DLGAP2: variants seen among roughly 807,000 people sequenced by gnomAD.
The protein encoded by DLGAP2 is DLG associated protein 2.
In DLGAP2, 26 loss-of-function variants were observed where a neutral mutation model predicts 100.3. The ratio of observed to expected loss-of-function variants is 0.26; its 90% CI spans 0.19 to 0.36. The LOEUF (loss-of-function observed/expected upper bound fraction) is 0.36, where lower values mean the gene tolerates loss of function less well. DLGAP2 is among the 10% of genes least tolerant of loss of function. The pLI, the probability that DLGAP2 is intolerant of heterozygous loss-of-function variation, is 1.00. For synonymous variants in DLGAP2, 886 were observed against 630.1 expected, an observed-to-expected ratio of 1.41 and a Z score of -6.08; for missense variants, 1,858 against 1,453.2, an observed-to-expected ratio of 1.28 and a Z score of -4.53.
At chr8:930,231 G>A (rs558746067) in intron 2 of DLGAP2, among the ~76,000 whole-genome samples, 4 of 152,354 alleles carry the variant, frequency 2.6e-5, no homozygotes, top group African/African-American at 7.2e-5. Context: ...AAGGCAAGAC[G>A]TGGAATCCAG....
At chr8:1,168,295 G>T (rs976266743) in intron 2 of DLGAP2, among the ~76,000 whole-genome samples, 2 of 151,826 alleles carry the variant, frequency 1.3e-5, no homozygotes, top group East Asian at 3.9e-4. Context: ...TGGACATTTG[G>T]GTTGGTTCCA....
intron 1 of DLGAP2, among the ~76,000 whole-genome samples, chr8:799,562 T>C (rs1029147042): frequency 6.6e-6 from 1 of 151,254 alleles, no homozygotes; most frequent in African/African-American, 2.4e-5. Context: ...TCTGCAAAAA[T>C]GCATTTTGCA....
intron 4 of DLGAP2, among the ~76,000 whole-genome samples, chr8:1,541,277 CCT>C (rs1267591126): frequency 6.6e-6 from 1 of 152,132 alleles, no homozygotes; most frequent in African/African-American, 2.4e-5. Context: ...TTCATTGAGA[CCT>C]CTGTTGGTAG....
At chr8:1,485,226 C>T (rs1192738166) in intron 3 of DLGAP2, among the ~76,000 whole-genome samples, 1 of 152,172 alleles carries the variant, frequency 6.6e-6, no homozygotes, top group Non-Finnish European at 1.5e-5. Context: ...TTATGATACG[C>T]TTTTTTTGTA....
intron 1 of DLGAP2, among the ~76,000 whole-genome samples, chr8:773,230 A>G (rs961020678): frequency 1.3e-5 from 2 of 151,848 alleles, no homozygotes; most frequent in Admixed American, 1.3e-4. Flanking sequence ...CTGATTTCTC[A>G]CAGTGTTTTC....
chr8:1,118,191 A>C (rs893391388), intron 2 of DLGAP2, among the ~76,000 whole-genome samples: 2 of 152,134 alleles, frequency 1.3e-5, no homozygotes, highest in Non-Finnish European at 2.9e-5. Context: ...CATTCATTAC[A>C]CTTTAAATAG....
At chr8:1,305,804 G>T (rs1404637606) in intron 3 of DLGAP2, among the ~76,000 whole-genome samples, 1 of 152,120 alleles carries the variant, frequency 6.6e-6, no homozygotes, top group Non-Finnish European at 1.5e-5. Context: ...AACAGCTACC[G>T]CCCCACTCAA....
intron 2 of DLGAP2, among the ~76,000 whole-genome samples, chr8:1,146,114 C>G (rs1241761760): frequency 2.0e-5 from 3 of 152,206 alleles, no homozygotes; most frequent in Admixed American, 6.5e-5. Context: ...CACTGCCAGG[C>G]CAGGAGGGCG....
chr8:1,523,551 C>T (rs1039163946), intron 4 of DLGAP2, among the ~76,000 whole-genome samples: 3 of 152,224 alleles, frequency 2.0e-5, no homozygotes, highest in Non-Finnish European at 2.9e-5. Flanking sequence ...CGGCACCGCA[C>T]AGTCCCTGGG....
chr8:1,408,863 AG>A (rs1202089927), intron 3 of DLGAP2, among the ~76,000 whole-genome samples: 1 of 152,126 alleles, frequency 6.6e-6, no homozygotes, highest in Non-Finnish European at 1.5e-5. Context: ...CAGGGCACAG[AG>A]AAGAAAGCTG....
intron 1 of DLGAP2, among the ~76,000 whole-genome samples, chr8:868,749 C>G (rs17739876): frequency 0.12 from 18,338 of 152,180 alleles, 1,430 homozygotes; most frequent in Admixed American, 0.18. Context: ...TCCTCTTGCA[C>G]AAACAGTGTT....
At chr8:1,325,367 G>A (rs1800997130) in intron 3 of DLGAP2, among the ~76,000 whole-genome samples, 1 of 152,184 alleles carries the variant, frequency 6.6e-6, no homozygotes, top group African/African-American at 2.4e-5. Flanking sequence ...GCCTGCAGGG[G>A]GCGTCCTCCC....
chr8:1,126,420 G>A (rs948449090), intron 2 of DLGAP2, among the ~76,000 whole-genome samples: 1 of 151,214 alleles, frequency 6.6e-6, no homozygotes. Flanking sequence ...AGAGACACAG[G>A]CAGATGAGGA....
At chr8:1,285,070 A>T (rs1799895192) in intron 3 of DLGAP2, among the ~76,000 whole-genome samples, 1 of 152,144 alleles carries the variant, frequency 6.6e-6, no homozygotes, top group African/African-American at 2.4e-5. Context: ...CATGCCATTT[A>T]ACAGGTTATC....
intron 3 of DLGAP2, among the ~76,000 whole-genome samples, chr8:1,432,887 G>A (rs189363653): frequency 1.7e-4 from 26 of 152,294 alleles, no homozygotes; most frequent in Admixed American, 1.4e-3. Context: ...AGCTGGGGGC[G>A]TCCCCAGAGA....
chr8:1,527,129 C>A (rs956480916), intron 4 of DLGAP2, among the ~76,000 whole-genome samples: 6 of 152,264 alleles, frequency 3.9e-5, no homozygotes, highest in Admixed American at 2.6e-4. Flanking sequence ...CGCGGGCTCA[C>A]GTTCACACGC....
chr8:1,455,281 C>A (rs1211821706), intron 3 of DLGAP2, among the ~76,000 whole-genome samples: 2 of 152,240 alleles, frequency 1.3e-5, no homozygotes, highest in African/African-American at 2.4e-5. Flanking sequence ...GGCACTGATT[C>A]TCATGCGCTG....
chr8:1,500,554 C>G (rs897567166), intron 3 of DLGAP2, among the ~76,000 whole-genome samples: 1 of 152,290 alleles, frequency 6.6e-6, no homozygotes, highest in Admixed American at 6.5e-5. Context: ...CACCTGGTTT[C>G]CTGGGCAGAG....
rs139816419 is a variant in DLGAP2 at position 881,448 on chromosome 8, T to G, written c.19-26464T>G. Among the ~76,000 whole-genome samples the G allele has an allele frequency of 1.4e-3, 206 of 150,920 alleles. 6 individuals are homozygous for G. The East Asian group carries it at 0.032, about 24-fold the overall frequency. On this transcript the variant is annotated intron_variant, in intron 1 of 14. Transcript: ENST00000637795. ...ACTTGAATGCACCAATAGAAATAAA[T>G]GCAAAAGAACATTTATTTTCTCATC...
Sources: gnomAD v4.1 joint callset for allele counts (sites outside exome capture counted in the v4.1 genomes callset) on GRCh38, gnomAD v4.1.1 for gene constraint, MANE v1.5 for transcripts, NCBI Gene and HGNC (gene_info 2026-07-23, HGNC 2026-07-21) for gene names.